ARHGAP10: variants seen among roughly 807,000 people sequenced by gnomAD.
ARHGAP10 encodes Rho GTPase activating protein 10.
A neutral mutation model predicts 108.6 loss-of-function variants in ARHGAP10; 87 were observed. That is an observed-to-expected ratio of 0.80 (90% CI 0.67 to 0.96). The LOEUF is 0.96. Among genes scored for constraint, ARHGAP10 ranks in the 40% least tolerant of loss-of-function variants. The pLI is 0.00. For missense variants in ARHGAP10, 939 were observed against 954.5 expected, an observed-to-expected ratio of 0.98 and a Z score of 0.21; for synonymous variants, 347 against 341.1, an observed-to-expected ratio of 1.02 and a Z score of -0.19.
intron 18 of ARHGAP10, among the ~76,000 whole-genome samples, chr4:147,972,534 G>A (rs1248294063): frequency 6.6e-6 from 1 of 152,102 alleles, no homozygotes; most frequent in Non-Finnish European, 1.5e-5. Flanking sequence ...TCATCACTAG[G>A]AGAAGACAGT....
intron 13 of ARHGAP10, among the ~76,000 whole-genome samples, chr4:147,923,454 T>C (rs1009144406): frequency 6.6e-6 from 1 of 152,260 alleles, no homozygotes; most frequent in African/African-American, 2.4e-5. Flanking sequence ...CATTACCATT[T>C]AAAACTAAAT....
intron 18 of ARHGAP10, among the ~76,000 whole-genome samples, chr4:147,975,878 T>C (rs1464913026): frequency 6.6e-6 from 1 of 152,230 alleles, no homozygotes; most frequent in African/African-American, 2.4e-5. Flanking sequence ...CTGTGTTGTT[T>C]CACTCTTGTT....
chr4:147,913,086 A>C lies in ARHGAP10; in HGVS notation c.1175A>C (p.Asp392Ala). Residue 392 changes from aspartate (D) to alanine (A), a missense_variant, in exon 13 of 23, where the codon GAT becomes GCT. Asp to Ala is a moderately radical substitution (Grantham distance 126, BLOSUM62 -2). Transcript: ENST00000336498. ...CTGTTTCTTGTAGATGCACAGTTGG[A>C]TAAGATGGGGTTCACAATTATCAGA... ...IPRPEGNAQL[D>A]KMGFTIIRKC... The C allele has an allele frequency of 3.7e-6, 6 of 1,613,724 alleles. No homozygotes were observed. The highest frequency in any genetic ancestry group is 5.1e-6 in the Non-Finnish European group (6 of 1,179,662).
intron 3 of ARHGAP10, among the ~76,000 whole-genome samples, chr4:147,836,739 C>G (rs1041751978): frequency 1.3e-5 from 2 of 152,126 alleles, no homozygotes; most frequent in Admixed American, 6.5e-5. Context: ...ATTAGTTTCT[C>G]TACTGGGAAA....
intron 1 of ARHGAP10, among the ~76,000 whole-genome samples, chr4:147,767,213 A>C (rs1729872453): frequency 6.6e-6 from 1 of 152,160 alleles, no homozygotes; most frequent in Admixed American, 6.5e-5. Flanking sequence ...TAAACCCATC[A>C]GTTCCTAAGT....
intron 16 of ARHGAP10, among the ~76,000 whole-genome samples, chr4:147,956,119 G>A (rs1738776369): frequency 1.3e-5 from 2 of 152,118 alleles, no homozygotes; most frequent in Admixed American, 1.3e-4. Context: ...ATTATAGGGA[G>A]CCTTATTTAA....
intron 18 of ARHGAP10, among the ~76,000 whole-genome samples, chr4:148,015,659 G>A (rs535491261): frequency 5.9e-5 from 9 of 152,300 alleles, no homozygotes; most frequent in East Asian, 3.9e-4. Context: ...TACTGTTCAC[G>A]TGGTAGCTAC....
chr4:147,950,785 C>T (rs894750196), intron 15 of ARHGAP10, among the ~76,000 whole-genome samples: 2 of 152,048 alleles, frequency 1.3e-5, no homozygotes, highest in Middle Eastern at 3.4e-3. Flanking sequence ...ACCATTATTT[C>T]GATTTTCAGA....
chr4:148,070,742 G>T (rs80136345), intron 22 of ARHGAP10, among the ~76,000 whole-genome samples: 9,197 of 152,234 alleles, frequency 0.06, 358 homozygotes, highest in Non-Finnish European at 0.083. Context: ...TTATTCTCCT[G>T]GGTTGTGATC....
chr4:147,934,060 C>G (rs1271361016), intron 13 of ARHGAP10, among the ~76,000 whole-genome samples: 1 of 152,192 alleles, frequency 6.6e-6, no homozygotes, highest in Non-Finnish European at 1.5e-5. Flanking sequence ...GGGACCTTGG[C>G]TGAGGGGCCC....
In ARHGAP10 at chr4:148,072,183, C is replaced by A; in HGVS notation, c.*102C>A. On this transcript the variant is annotated 3_prime_UTR_variant, in exon 23 of 23. Coordinates refer to ENST00000336498, the MANE Select transcript of ARHGAP10 (RefSeq NM_024605.4). ...AGGCTCTGGGCTGCACCCACAGGTA[C>A]CTCCACACTTGGGAGTTACCATCAT... 2.0e-6 allele frequency: 2 copies of A among 1,023,860 alleles called. No individual in the cohort carries two copies. The highest frequency in any genetic ancestry group is 2.8e-6 in the Non-Finnish European group (2 of 704,778). 63.4% of individuals were successfully genotyped at this position (1,023,860 alleles called of 1,614,324 possible). A position where few individuals can be genotyped will look rare whatever the true frequency, so the allele number is the denominator to read the frequency against.
Position 147,780,696 on chromosome 4 carries a change from T to C in ARHGAP10, c.155-42031T>C, listed in dbSNP as rs1282497832. Reference sequence around the variant, plus strand: ...ATCCAGAGAGAAGGAAATACCCAGGTCATAACAAGCCTGCCTCATCTTGTG... The same window carrying C: ...ATCCAGAGAGAAGGAAATACCCAGGCCATAACAAGCCTGCCTCATCTTGTG... On this transcript the variant is annotated intron_variant, in intron 1 of 22. Transcript: ENST00000336498. Among the ~76,000 whole-genome samples the C allele has an allele frequency of 2.0e-5, 3 of 152,096 alleles. No individual in the cohort carries two copies. In the East Asian group the frequency reaches 5.8e-4, roughly 29 times the overall value.
At chr4:147,774,173 T>G (rs1027203304) in intron 1 of ARHGAP10, among the ~76,000 whole-genome samples, 1 of 152,230 alleles carries the variant, frequency 6.6e-6, no homozygotes, top group South Asian at 2.1e-4. Flanking sequence ...TGTATAAAAA[T>G]GTTGACTCTT....
chr4:147,746,246 G>A (rs893617272), intron 1 of ARHGAP10, among the ~76,000 whole-genome samples: 4 of 151,358 alleles, frequency 2.6e-5, no homozygotes, highest in African/African-American at 7.3e-5. Flanking sequence ...TGGGACTACA[G>A]GCATGCACCA....
chr4:147,997,425 A>G (rs567945158), intron 18 of ARHGAP10, among the ~76,000 whole-genome samples: 1 of 152,376 alleles, frequency 6.6e-6, no homozygotes, highest in African/African-American at 2.4e-5. Flanking sequence ...AGCTAAGACA[A>G]CAGACATCCA....
intron 1 of ARHGAP10, among the ~76,000 whole-genome samples, chr4:147,756,097 C>T (rs1729359439): frequency 2.0e-5 from 3 of 148,626 alleles, no homozygotes; most frequent in Admixed American, 1.4e-4. Context: ...TGCAAGATGG[C>T]CTAGTCATTA....
chr4:147,928,403 G>T (rs1737544882), intron 13 of ARHGAP10, among the ~76,000 whole-genome samples: 1 of 152,192 alleles, frequency 6.6e-6, no homozygotes, highest in African/African-American at 2.4e-5. Context: ...GTTTGTTTGG[G>T]AGTGGGAAGA....
intron 3 of ARHGAP10, among the ~76,000 whole-genome samples, chr4:147,826,939 T>C (rs1287151114): frequency 6.6e-6 from 1 of 152,212 alleles, no homozygotes; most frequent in Non-Finnish European, 1.5e-5. Context: ...CCAAACATAT[T>C]ACATTTGACT....
chr4:147,756,712 G>T (rs1028238329), intron 1 of ARHGAP10, among the ~76,000 whole-genome samples: 19 of 152,130 alleles, frequency 1.2e-4, no homozygotes, highest in African/African-American at 4.3e-4. Flanking sequence ...GCTATTCATG[G>T]TTTTAGGCAT....
Sources: gnomAD v4.1 joint callset for allele counts (sites outside exome capture counted in the v4.1 genomes callset) on GRCh38, gnomAD v4.1.1 for gene constraint, MANE v1.5 for transcripts, NCBI Gene and HGNC (gene_info 2026-07-23, HGNC 2026-07-21) for gene names.